Variants in DOCK1 observed in about 807,000 individuals in gnomAD.
DOCK1 encodes the protein dedicator of cytokinesis 1, also known as dedicator of cytokinesis protein 1.
A neutral mutation model predicts 262.7 loss-of-function variants in DOCK1; 138 were observed. The ratio of observed to expected loss-of-function variants is 0.53; its 90% CI spans 0.46 to 0.61. DOCK1 has a LOEUF of 0.61. Ranked by LOEUF, DOCK1 falls within the 20% of genes least tolerant of loss-of-function variation. The pLI is 0.00. For synonymous variants in DOCK1, 866 were observed against 867.4 expected (o/e 1.00, Z 0.03); for missense variants, 1,908 against 2,370.7 (o/e 0.80, Z 4.05).
At chr10:127,238,806 C>T (rs12777771) in intron 27 of DOCK1, among the ~76,000 whole-genome samples, 41,367 of 152,068 alleles carry the variant, frequency 0.27, 6,314 homozygotes, top group South Asian at 0.51. Context: ...CTGACCTACT[C>T]TTGGGAACTC....
At chr10:127,432,750 G>A (rs1459297599) in intron 47 of DOCK1, among the ~76,000 whole-genome samples, 1 of 152,154 alleles carries the variant, frequency 6.6e-6, no homozygotes, top group Admixed American at 6.5e-5. Flanking sequence ...AACTTCAGCA[G>A]CGGTTTCACC....
intron 23 of DOCK1, among the ~76,000 whole-genome samples, chr10:127,095,772 A>T (rs1273122978): frequency 2.0e-5 from 3 of 152,140 alleles, no homozygotes; most frequent in Non-Finnish European, 2.9e-5. Flanking sequence ...CTCCCTGAGA[A>T]ACCCAGGAGA....
chr10:126,931,247 A>G (rs2034164288), intron 1 of DOCK1, among the ~76,000 whole-genome samples: 1 of 152,128 alleles, frequency 6.6e-6, no homozygotes, highest in Non-Finnish European at 1.5e-5. Context: ...GATAGAAGCC[A>G]GGGGGAGAAG....
chr10:126,907,926 G>A (rs902764950), intron 1 of DOCK1, among the ~76,000 whole-genome samples: 4 of 152,148 alleles, frequency 2.6e-5, no homozygotes, highest in African/African-American at 9.7e-5. Context: ...GAAAACTGTT[G>A]GAAAATTTTA....
intron 29 of DOCK1, among the ~76,000 whole-genome samples, chr10:127,294,035 GA>G (rs1241578145): frequency 1.3e-5 from 2 of 152,142 alleles, no homozygotes; most frequent in Non-Finnish European, 2.9e-5. Context: ...TATGCAGCTT[GA>G]GAAAGCCAGT....
intron 5 of DOCK1, chr10:126,988,369 G>C (rs1384237035): frequency 6.6e-6 from 1 of 152,196 alleles, no homozygotes; most frequent in African/African-American, 2.4e-5. Context: ...TTCATTTCTT[G>C]AGAACATAGA....
At chr10:127,223,872 G>A (rs898976583) in intron 27 of DOCK1, among the ~76,000 whole-genome samples, 3 of 152,170 alleles carry the variant, frequency 2.0e-5, no homozygotes, top group Non-Finnish European at 2.9e-5. Flanking sequence ...TGACAGTGAG[G>A]CTCAGGGTGG....
intron 27 of DOCK1, among the ~76,000 whole-genome samples, chr10:127,179,724 C>A (rs2055542222): frequency 6.6e-6 from 1 of 152,158 alleles, no homozygotes; most frequent in South Asian, 2.1e-4. Flanking sequence ...AGAGGACTTT[C>A]CCTAAGACAA....
At chr10:126,983,578 A>C (rs1378057266) in intron 4 of DOCK1, among the ~76,000 whole-genome samples, 1 of 151,534 alleles carries the variant, frequency 6.6e-6, no homozygotes, top group Non-Finnish European at 1.5e-5. Context: ...TTCTTGCATG[A>C]GCTCTCTCTT....
At chr10:127,447,363 G>A in intron 50 of DOCK1, 31 bp from the exon 51 acceptor site, 2 of 1,601,390 alleles carry the variant, frequency 1.2e-6, no homozygotes, top group Non-Finnish European at 1.7e-6. Flanking sequence ...GGGGAAGTCG[G>A]GCTGATTTTA....
At chr10:126,914,813 T>C (rs1303133893) in intron 1 of DOCK1, among the ~76,000 whole-genome samples, 1 of 152,250 alleles carries the variant, frequency 6.6e-6, no homozygotes, top group Non-Finnish European at 1.5e-5. Context: ...GTTTTTCATT[T>C]GTGTCAAAGT....
At chr10:126,984,471 C>T (rs1359016861) in intron 4 of DOCK1, among the ~76,000 whole-genome samples, 1 of 152,036 alleles carries the variant, frequency 6.6e-6, no homozygotes, top group Admixed American at 6.6e-5. Flanking sequence ...CTTAGCCTCC[C>T]CAGTGGCTGG....
intron 29 of DOCK1, among the ~76,000 whole-genome samples, chr10:127,332,340 G>T (rs192114709): frequency 1.8e-4 from 27 of 152,262 alleles, no homozygotes; most frequent in Admixed American, 1.3e-3. Context: ...TTTGATGGAG[G>T]CTTAAGCTTT....
chr10:126,974,178 T>C (rs987452962), intron 2 of DOCK1, among the ~76,000 whole-genome samples: 1 of 152,102 alleles, frequency 6.6e-6, no homozygotes, highest in African/African-American at 2.4e-5. Context: ...ATTGAGTGAC[T>C]CTTGTCTGGT....
chr10:127,113,282 C>A (rs993406889), intron 25 of DOCK1, among the ~76,000 whole-genome samples: 17 of 152,132 alleles, frequency 1.1e-4, no homozygotes, highest in African/African-American at 4.1e-4. Flanking sequence ...AATGCACTTG[C>A]CCTTAGTAAA....
At chr10:127,156,586 A>G (rs1483366034) in intron 27 of DOCK1, among the ~76,000 whole-genome samples, 809 of 59,710 alleles carry the variant, frequency 0.014, 4 homozygotes, top group Admixed American at 0.027. Context: ...TTTTTTTTTG[A>G]GACCAAGTTT....
intron 36 of DOCK1, 29 bp from the exon 37 acceptor site, chr10:127,381,249 A>G: frequency 6.3e-7 from 1 of 1,576,716 alleles, no homozygotes; most frequent in Non-Finnish European, 8.6e-7. Flanking sequence ...GTGACATTTT[A>G]AGAACATACC....
At chr10:126,942,058 T>A (rs1008247120) in intron 1 of DOCK1, among the ~76,000 whole-genome samples, 1 of 151,774 alleles carries the variant, frequency 6.6e-6, no homozygotes, top group Non-Finnish European at 1.5e-5. Flanking sequence ...GGAGTCTCGC[T>A]CTGTCGCCCA....
intron 1 of DOCK1, among the ~76,000 whole-genome samples, chr10:126,970,221 TCTTG>T (rs1215992533): frequency 6.6e-6 from 1 of 152,204 alleles, no homozygotes; most frequent in African/African-American, 2.4e-5. Context: ...TTCAGACATT[TCTTG>T]CTTATCATTG....
Sources: gnomAD v4.1 joint callset for allele counts (sites outside exome capture counted in the v4.1 genomes callset) on GRCh38, gnomAD v4.1.1 for gene constraint, MANE v1.5 for transcripts, NCBI Gene and HGNC (gene_info 2026-07-23, HGNC 2026-07-21) for gene names.